Variants in LAMA1 observed in about 807,000 individuals in gnomAD.
LAMA1 encodes the protein laminin subunit alpha-1.
LAMA1 carries 219 observed loss-of-function variants against 348.7 expected under a neutral mutation model. The observed-to-expected ratio is 0.63, with a 90% CI of 0.56 to 0.70. LAMA1 has a LOEUF of 0.70. LAMA1 is among the 30% of genes least tolerant of loss of function. The pLI, the probability that LAMA1 is intolerant of heterozygous loss-of-function variation, is 0.00. For synonymous variants in LAMA1, 1,487 were observed against 1,491.0 expected (o/e 1.00, Z 0.06); for missense variants, 3,744 against 3,888.0 (o/e 0.96, Z 0.99).
chr18:7,039,482 A>G (rs1304622982), intron 10 of LAMA1, among the ~76,000 whole-genome samples: 1 of 152,216 alleles, frequency 6.6e-6, no homozygotes, highest in African/African-American at 2.4e-5. Flanking sequence ...GACACTCAAA[A>G]TAGCATATCT....
At chr18:7,045,080 C>CT (rs11457189) in intron 6 of LAMA1, among the ~76,000 whole-genome samples, 5,764 of 151,874 alleles carry the variant, frequency 0.038, 418 homozygotes, top group African/African-American at 0.13. Flanking sequence ...CTAATAAAAA[C>CT]TTTTTTTAAA....
At chr18:7,031,106 A>G (rs1353942420) in intron 16 of LAMA1, among the ~76,000 whole-genome samples, 1 of 152,212 alleles carries the variant, frequency 6.6e-6, no homozygotes, top group Non-Finnish European at 1.5e-5. Context: ...GCCATCCTGG[A>G]CATCATTCTA....
At chr18:6,977,622 A>C in intron 44 of LAMA1, 105 bp downstream of exon 44, 1 of 1,328,552 alleles carries the variant, frequency 7.5e-7, no homozygotes, top group East Asian at 2.4e-5. Context: ...GGTCTTTGGA[A>C]GCCCTAAGGG....
rs540825771 is a variant in LAMA1, at chr18:7,080,393, G to A, written c.126C>T (p.Gly42=). The A allele has an allele frequency of 7.3e-5, 118 of 1,614,226 alleles. 1 individual carries two copies. The highest frequency in any genetic ancestry group is 6.4e-4 in the South Asian group (58 of 91,086). ...TGCAGAACATCTCCGGCCCCTTCTCGCCACAGGTGGCATTGGTGCTGATGT... is the reference window on the plus strand; with the variant it reads ...TGCAGAACATCTCCGGCCCCTTCTCACCACAGGTGGCATTGGTGCTGATGT... ...NAHISTNATC[G]EKGPEMFCKL... is the part of the protein sequence containing the mutation. The change falls in exon 2 of 63, where the codon GGC becomes GGT. Residue 42 remains glycine, a synonymous_variant. Transcript: ENST00000389658.
intron 27 of LAMA1, 59 bp from the exon 28 acceptor site, chr18:7,008,667 A>G: frequency 6.3e-7 from 1 of 1,592,676 alleles, no homozygotes. Context: ...TTCTAGAAAC[A>G]TAGCACATGA....
intron 18 of LAMA1, among the ~76,000 whole-genome samples, chr18:7,023,690 G>A (rs758245851): frequency 5.3e-4 from 80 of 152,242 alleles, no homozygotes; most frequent in Non-Finnish European, 5.9e-4. Flanking sequence ...GCACTGAGAC[G>A]CACACATAGG....
rs148021285 is a variant in LAMA1, at chr18:6,965,365, G to T, written c.7118C>A (p.Pro2373His). The T allele has an allele frequency of 4.3e-6, 7 of 1,613,960 alleles. No individual in the cohort carries two copies. Among genetic ancestry groups the T allele is most frequent in the Non-Finnish European group, 4.2e-6 (5 of 1,179,996 alleles). The change falls in exon 50 of 63, where the codon CCC becomes CAC. Residue 2373 changes from proline to histidine, a missense_variant. By Grantham distance (77) the Pro-to-His change is moderately conservative. Transcript: ENST00000389658. ...ACGTCTGTCTGTCAAAAGGGTAATG[G>T]GTCCTGAACCCAGGTCAGTCATAAC... ...VKVMTDLGSG[P>H]ITLLTDRRYN...
chr18:7,002,446 T>A, intron 29 of LAMA1, 61 bp from the exon 30 acceptor site: 1 of 1,571,512 alleles, frequency 6.4e-7, no homozygotes, highest in South Asian at 1.1e-5. Context: ...ATCATTCTTA[T>A]CTGGTAATAG....
intron 1 of LAMA1, among the ~76,000 whole-genome samples, chr18:7,100,982 C>G (rs146958422): frequency 0.01 from 1,597 of 152,180 alleles, 13 homozygotes; most frequent in Non-Finnish European, 0.018. Flanking sequence ...TGCACTCCAG[C>G]CTGGGAAACA....
At position 6,950,989 on chromosome 18, in the gene LAMA1, T is replaced by A; in HGVS notation, c.8208-18A>T. ...CCGAGAGCCTGGGGAAAACAAGTGC[T>A]CAGCGTTGAGAAAGGAAACTTTTAC... On this transcript the variant is annotated intron_variant, in intron 57 of 62. Coordinates refer to ENST00000389658, the MANE Select transcript of LAMA1 (RefSeq NM_005559.4). The A allele has an allele frequency of 6.2e-7, 1 of 1,611,212 alleles. No homozygotes were observed. Among genetic ancestry groups the A allele is most frequent in the Non-Finnish European group, 8.5e-7 (1 of 1,178,812 alleles).
Position 6,985,261 on chromosome 18 carries a change from T to C in LAMA1, c.5636A>G (p.Gln1879Arg), listed in dbSNP as rs755471052. 6.2e-7 allele frequency: 1 copy of C among 1,614,142 alleles called. No individual in the cohort carries two copies. Among genetic ancestry groups the C allele is most frequent in the Non-Finnish European group, 8.5e-7 (1 of 1,180,000 alleles). ...YRAEDHAAEF[Q>R]RLADVLYSGL... ...CCTGTACAGAACATCTGCTAGTCTC[T>C]GGAACTCAGCGGCATGGTCCTCAGC... The change falls in exon 39 of 63, where the codon CAG (glutamine) becomes CGG (arginine). Residue 1879 changes from glutamine (Q) to arginine (R), a missense_variant. Coordinates refer to ENST00000389658, the MANE Select transcript of LAMA1 (RefSeq NM_005559.4).
Position 6,962,138 on chromosome 18 carries a change from T to C in LAMA1, c.7338-79A>G. 5 of 972,290 alleles carry C rather than the reference T, an allele frequency of 5.1e-6. No homozygotes were observed. In the South Asian group the frequency reaches 5.2e-5, roughly 10 times the overall value. The allele number at this position is 972,290 out of a possible 1,614,324, so 60.2% of individuals were successfully genotyped here. On this transcript the variant is annotated intron_variant, in intron 51 of 62. Transcript: ENST00000389658. ...TTTGAAAGAAGGAATACAAAGCCAC[T>C]GGGCAAGGCACAGTGGCTTATGCCT...
At chr18:6,990,936 G>T (rs560833314) in intron 36 of LAMA1, among the ~76,000 whole-genome samples, 8 of 152,018 alleles carry the variant, frequency 5.3e-5, no homozygotes, top group Non-Finnish European at 8.8e-5. Flanking sequence ...TCCTCAACTG[G>T]GTTCTCCCCT....
chr18:7,002,446 T>C (rs922797472), intron 29 of LAMA1, 61 bp from the exon 30 acceptor site: 32 of 1,571,394 alleles, frequency 2.0e-5, no homozygotes, highest in Admixed American at 1.2e-4. Flanking sequence ...ATCATTCTTA[T>C]CTGGTAATAG....
At chr18:7,002,492 A>T in intron 29 of LAMA1, 107 bp from the exon 30 acceptor site, 1 of 1,216,256 alleles carries the variant, frequency 8.2e-7, no homozygotes, top group Middle Eastern at 1.9e-4. Flanking sequence ...GCTAGCTTTT[A>T]AAAATATTCT....
intron 12 of LAMA1, 137 bp downstream of exon 12, chr18:7,037,441 G>C (rs1008005155): frequency 6.6e-6 from 6 of 910,982 alleles, no homozygotes; most frequent in East Asian, 4.9e-5. Context: ...ATCATCAGAT[G>C]CAAGTACAGG....
intron 19 of LAMA1, among the ~76,000 whole-genome samples, chr18:7,021,836 A>ATATTAT (rs1240631633): frequency 1.7e-5 from 1 of 58,192 alleles, no homozygotes; most frequent in Non-Finnish European, 3.3e-5. Flanking sequence ...ATAATATAAT[A>ATATTAT]ATATATTATA....
intron 1 of LAMA1, among the ~76,000 whole-genome samples, chr18:7,103,749 G>T (rs1250559910): frequency 2.0e-5 from 3 of 151,394 alleles, no homozygotes; most frequent in Admixed American, 6.6e-5. Flanking sequence ...AACCCAGGAG[G>T]TGGAGGTTGC....
At chr18:7,083,365 T>C (rs1415129690) in intron 1 of LAMA1, among the ~76,000 whole-genome samples, 2 of 151,872 alleles carry the variant, frequency 1.3e-5, no homozygotes, top group African/African-American at 2.4e-5. Flanking sequence ...TTTGTATTTT[T>C]AATAGAGACG....
Sources: gnomAD v4.1 joint callset for allele counts (sites outside exome capture counted in the v4.1 genomes callset) on GRCh38, gnomAD v4.1.1 for gene constraint, MANE v1.5 for transcripts, NCBI Gene and HGNC (gene_info 2026-07-23, HGNC 2026-07-21) for gene names.